Variants in STX7 observed in about 807,000 individuals in gnomAD.
STX7 encodes syntaxin-7.
Under a neutral mutation model 39.6 loss-of-function variants are expected in STX7, and 34 were observed. That is an observed-to-expected ratio of 0.86 (90% CI 0.65 to 1.14). The LOEUF (loss-of-function observed/expected upper bound fraction) is 1.14. Among genes scored for constraint, STX7 ranks in the 50% most tolerant of loss-of-function variants. The pLI is 0.00. For missense variants in STX7, 284 were observed against 310.4 expected (o/e 0.92, Z 0.64); for synonymous variants, 119 against 99.1 (o/e 1.20, Z -1.19).
rs1774185063 is a variant in STX7 at position 132,453,617 on chromosome 6, G to A, written c.*7141C>T. On this transcript the variant is annotated 3_prime_UTR_variant, in exon 10 of 10. Coordinates refer to ENST00000367941, the MANE Select transcript of STX7 (RefSeq NM_003569.3). Reference sequence around the variant, plus strand: ...AAAAAAATCCAATTAGAAAAGACATGAAGAAACATGTCACTAAAGAAGAGA... The same window carrying A: ...AAAAAAATCCAATTAGAAAAGACATAAAGAAACATGTCACTAAAGAAGAGA... 1 of 151,728 alleles carries A rather than the reference G, an allele frequency of 6.6e-6. No homozygotes were observed. Among genetic ancestry groups the A allele is most frequent in the African/African-American group, 2.4e-5 (1 of 41,324 alleles). 9.4% of individuals were successfully genotyped at this position (151,728 alleles called of 1,614,324 possible).
chr6:132,474,567 A>G (rs558575547), intron 3 of STX7, among the ~76,000 whole-genome samples: 140 of 152,168 alleles, frequency 9.2e-4, no homozygotes, highest in Non-Finnish European at 1.7e-3. Context: ...TGCTTACTAG[A>G]TATATGTGAC....
intron 2 of STX7, among the ~76,000 whole-genome samples, chr6:132,493,696 T>C (rs1022982350): frequency 3.9e-5 from 6 of 152,198 alleles, no homozygotes; most frequent in Non-Finnish European, 7.3e-5. Context: ...AATGGACTAA[T>C]ACACTGTTTA....
chr6:132,504,546 G>A (rs546883993), intron 1 of STX7, among the ~76,000 whole-genome samples: 1 of 152,264 alleles, frequency 6.6e-6, no homozygotes, highest in East Asian at 1.9e-4. Flanking sequence ...AATATGCACT[G>A]GAATACTGCA....
intron 3 of STX7, among the ~76,000 whole-genome samples, chr6:132,472,932 C>T (rs1364680459): frequency 1.3e-5 from 2 of 152,120 alleles, no homozygotes; most frequent in African/African-American, 2.4e-5. Context: ...CCGAGGCAGG[C>T]GGATCACTTG....
intron 2 of STX7, among the ~76,000 whole-genome samples, chr6:132,502,263 T>C (rs912676024): frequency 6.6e-6 from 1 of 152,294 alleles, no homozygotes; most frequent in Admixed American, 6.5e-5. Flanking sequence ...AGTATGGTCA[T>C]TTGAAAACAC....
chr6:132,502,777 T>C (rs1314366836), intron 2 of STX7, among the ~76,000 whole-genome samples: 1 of 152,082 alleles, frequency 6.6e-6, no homozygotes, highest in African/African-American at 2.4e-5. Flanking sequence ...CGGGCGCCTG[T>C]AGTCCCAGCT....
Position 132,459,318 on chromosome 6 carries a change from G to A in STX7, c.*1440C>T, listed in dbSNP as rs962220292. The A allele has an allele frequency of 1.3e-5, 2 of 152,210 alleles. No homozygotes were observed. Among genetic ancestry groups the A allele is most frequent in the African/African-American group, 4.8e-5 (2 of 41,442 alleles). The allele number at this position is 152,210 out of a possible 1,614,324, so 9.4% of individuals were successfully genotyped here. On this transcript the variant is annotated 3_prime_UTR_variant, in exon 10 of 10. Transcript: ENST00000367941. Reference sequence around the variant, plus strand: ...CTGATATGCAAAGCAACTTCTACCAGTCTGACAAAGTAGGTAAAATCGATG... The same window carrying A: ...CTGATATGCAAAGCAACTTCTACCAATCTGACAAAGTAGGTAAAATCGATG...
chr6:132,454,995 G>A lies in STX7; in HGVS notation c.*5763C>T, dbSNP rs530207154. On this transcript the variant is annotated 3_prime_UTR_variant, in exon 10 of 10. Transcript: ENST00000367941. ...GCCTGAGGCACATTGAAAATGCCTC[G>A]AAATGAACTCAAAACGACCACAGTA... 7.9e-5 allele frequency: 12 copies of A among 151,666 alleles called. No homozygotes were observed. Among genetic ancestry groups the A allele is most frequent in the Non-Finnish European group, 1.6e-4 (11 of 67,924 alleles). The allele number at this position is 151,666 out of a possible 1,614,324, so 9.4% of individuals were successfully genotyped here. A position where few individuals can be genotyped will look rare whatever the true frequency, so the allele number is the denominator to read the frequency against.
intron 3 of STX7, among the ~76,000 whole-genome samples, chr6:132,473,993 G>A (rs1193976745): frequency 2.6e-5 from 4 of 151,460 alleles, no homozygotes; most frequent in African/African-American, 7.3e-5. Context: ...ACTCTGGGAG[G>A]GTGAGGTGGG....
At chr6:132,498,533 G>T (rs1024101333) in intron 2 of STX7, among the ~76,000 whole-genome samples, 2 of 152,126 alleles carry the variant, frequency 1.3e-5, no homozygotes, top group South Asian at 2.1e-4. Context: ...TTTAGCTTTA[G>T]TTTAACAGAT....
At chr6:132,479,103 C>T (rs1774950650) in intron 2 of STX7, among the ~76,000 whole-genome samples, 1 of 152,170 alleles carries the variant, frequency 6.6e-6, no homozygotes, top group Non-Finnish European at 1.5e-5. Flanking sequence ...AGTGAAAAAT[C>T]TTGGTGAATT....
intron 2 of STX7, among the ~76,000 whole-genome samples, chr6:132,498,938 G>A (rs1419180490): frequency 4.6e-5 from 7 of 152,130 alleles, no homozygotes; most frequent in Admixed American, 4.6e-4. Flanking sequence ...AATCTTAAAT[G>A]TATACTCAAC....
intron 1 of STX7, among the ~76,000 whole-genome samples, chr6:132,508,937 T>C (rs1407615401): frequency 6.6e-5 from 10 of 152,244 alleles, no homozygotes; most frequent in African/African-American, 2.4e-4. Context: ...ATTGTGCTTA[T>C]GACTTTTAAA....
intron 2 of STX7, among the ~76,000 whole-genome samples, chr6:132,491,231 A>C (rs1431033599): frequency 6.6e-6 from 1 of 152,112 alleles, no homozygotes; most frequent in East Asian, 1.9e-4. Flanking sequence ...CACAAAGTGA[A>C]TATGGTAAAA....
At chr6:132,465,843 T>C (rs2114361528) in intron 8 of STX7, among the ~76,000 whole-genome samples, 1 of 152,344 alleles carries the variant, frequency 6.6e-6, no homozygotes, top group African/African-American at 2.4e-5. Context: ...TTGTGCACTT[T>C]ATCACATTTC....
rs184148774 is a variant in STX7, at chr6:132,492,791, A to G, written c.85+10655T>C. 3.6e-4 allele frequency among the ~76,000 whole-genome samples: 55 copies of G among 152,346 alleles called. No individual in the cohort carries two copies. The South Asian group carries it at 8.9e-3, about 25-fold the overall frequency. ...ATACCTAATACAAGGCACAAAGTAA[A>G]CAGTTAATTAAAAATAGTTTTAAAA... On this transcript the variant is annotated intron_variant, in intron 2 of 9. Coordinates refer to ENST00000367941, the MANE Select transcript of STX7 (RefSeq NM_003569.3).
At position 132,471,186 on chromosome 6, in the gene STX7, A is replaced by G. The variant is rs9402410; in HGVS notation, c.387+277T>C. Among the ~76,000 whole-genome samples, 4 of 152,350 alleles carry G rather than the reference A, an allele frequency of 2.6e-5. No individual in the cohort carries two copies. The East Asian group carries it at 7.7e-4, about 29-fold the overall frequency. ...CCAAGACGATGTGAGAATACTACTC[A>G]GGATTTGATCCCTAATCTTTTTTGA... On this transcript the variant is annotated intron_variant, in intron 5 of 9. Transcript: ENST00000367941.
rs879466052 is a variant in STX7, at chr6:132,452,248, A to G, written c.*8510T>C. The G allele has an allele frequency of 2.6e-5, 4 of 152,216 alleles. No individual in the cohort carries two copies. Among genetic ancestry groups the G allele is most frequent in the Admixed American group, 2.6e-4 (4 of 15,282 alleles). The allele number at this position is 152,216 out of a possible 1,614,324, so 9.4% of individuals were successfully genotyped here. A position where few individuals can be genotyped will look rare whatever the true frequency, so the allele number is the denominator to read the frequency against. On this transcript the variant is annotated 3_prime_UTR_variant, in exon 10 of 10. Transcript: ENST00000367941. Reference sequence around the variant, plus strand: ...AGATAACTTCCTTAACTTTAGCAAGAGCATCTACTTTAAAAACCTACAGCT... The same window carrying G: ...AGATAACTTCCTTAACTTTAGCAAGGGCATCTACTTTAAAAACCTACAGCT...
Position 132,454,420 on chromosome 6 carries a change from A to T in STX7, c.*6338T>A, listed in dbSNP as rs914205413. The T allele has an allele frequency of 1.3e-5, 2 of 152,174 alleles. No individual in the cohort carries two copies. Among genetic ancestry groups the T allele is most frequent in the African/African-American group, 4.8e-5 (2 of 41,456 alleles). The allele number at this position is 152,174 out of a possible 1,614,324, so 9.4% of individuals were successfully genotyped here. A position where few individuals can be genotyped will look rare whatever the true frequency, so the allele number is the denominator to read the frequency against. On this transcript the variant is annotated 3_prime_UTR_variant, in exon 10 of 10. Transcript: ENST00000367941. Reference sequence around the variant, plus strand: ...TATCCTGGGTATGATATTGTATGACAGTTTTGAAAGATGTTCACTGTGTGG... The same window carrying T: ...TATCCTGGGTATGATATTGTATGACTGTTTTGAAAGATGTTCACTGTGTGG...
Sources: gnomAD v4.1 joint callset for allele counts (sites outside exome capture counted in the v4.1 genomes callset) on GRCh38, gnomAD v4.1.1 for gene constraint, MANE v1.5 for transcripts, NCBI Gene and HGNC (gene_info 2026-07-23, HGNC 2026-07-21) for gene names.